TYMP: variants seen among roughly 807,000 people sequenced by gnomAD.
TYMP encodes thymidine phosphorylase.
A neutral mutation model predicts 42.3 loss-of-function variants in TYMP; 46 were observed. The ratio of observed to expected loss-of-function variants is 1.09; its 90% CI spans 0.86 to 1.39. The LOEUF is 1.39. TYMP is among the 40% of genes most tolerant of loss of function. TYMP has a pLI of 0.00. For missense variants in TYMP, 837 were observed against 677.6 expected (o/e 1.24, Z -2.61); for synonymous variants, 363 against 308.0 (o/e 1.18, Z -1.87).
Position 50,526,122 on chromosome 22 carries a change from C to T in TYMP, c.1179G>A (p.Arg393=), listed in dbSNP as rs2069356499. 1 of 1,489,282 alleles carries T rather than the reference C, an allele frequency of 6.7e-7. No individual in the cohort carries two copies. Among genetic ancestry groups the T allele is most frequent in the East Asian group, 2.8e-5 (1 of 35,628 alleles). 92.3% of individuals were successfully genotyped at this position (1,489,282 alleles called of 1,614,324 possible). A position where few individuals can be genotyped will look rare whatever the true frequency, so the allele number is the denominator to read the frequency against. The part of the protein sequence containing the change: ...APADGTVELV[R]ALPLALVLHE... ...GCAGCACCAGCGCCAGCGGCAGCGC[C>T]CGGACCAGCTCCACGGTGCCTGCGG... Residue 393 remains arginine, a synonymous_variant, in exon 9 of 10, where the codon CGG becomes CGA. Coordinates refer to ENST00000252029, the MANE Select transcript of TYMP (RefSeq NM_001953.5).
intron 2 of TYMP, 48 bp downstream of exon 2, chr22:50,529,448 G>T: frequency 6.2e-7 from 1 of 1,608,648 alleles, no homozygotes; most frequent in Non-Finnish European, 8.5e-7. Flanking sequence ...AAGTCTCTCG[G>T]GCTGACCTCC....
intron 3 of TYMP, chr22:50,528,861 G>T: frequency 3.3e-6 from 2 of 611,852 alleles, no homozygotes; most frequent in East Asian, 5.5e-5. Flanking sequence ...CTCCTCCCTT[G>T]GGGGAGCTGT....
rs749502498 is a variant in TYMP at position 50,526,325 on chromosome 22, C to T, written c.1080G>A (p.Leu360=). Residue 360 remains leucine (L), a synonymous_variant, in exon 8 of 10, where the codon CTG becomes CTA. Coordinates refer to ENST00000252029, the MANE Select transcript of TYMP (RefSeq NM_001953.5). ...GGCGTTCTGCGGGACTTCCCGAGCA[C>T]AGGGCTCGGGCCAGACCGGGATCCA... is the stretch of plus-strand genomic sequence containing the variant. The part of the protein sequence containing the change: ...QGVDPGLARA[L]CSGSPAERRQ... 3.2e-6 allele frequency: 5 copies of T among 1,562,178 alleles called. No homozygotes were observed. Among genetic ancestry groups the T allele is most frequent in the Non-Finnish European group, 3.4e-6 (4 of 1,164,486 alleles).
At chr22:50,526,777 G>A (rs2069404781) in intron 6 of TYMP, 39 bp from the exon 7 acceptor site, 1 of 1,527,374 alleles carries the variant, frequency 6.5e-7, no homozygotes, top group Non-Finnish European at 8.8e-7. Flanking sequence ...CCCATGGCGG[G>A]GCCTTCTGCA....
chr22:50,528,158 T>G (rs1417796044), intron 4 of TYMP: 1 of 393,146 alleles, frequency 2.5e-6, no homozygotes, highest in African/African-American at 2.1e-5. Context: ...ACCACATGCG[T>G]GCACCACCAC....
Position 50,525,762 on chromosome 22 carries a change from A to G in TYMP, c.*8T>C, listed in dbSNP as rs755313525. On this transcript the variant is annotated 3_prime_UTR_variant, in exon 10 of 10. Coordinates refer to ENST00000252029, the MANE Select transcript of TYMP (RefSeq NM_001953.5). ...CAAGCACTGACAAGGTTTCGCGGCAAAGGAGCTTTATTGCTGCGGCGGCAG... is the reference window on the plus strand; with the variant it reads ...CAAGCACTGACAAGGTTTCGCGGCAGAGGAGCTTTATTGCTGCGGCGGCAG... 6.2e-7 allele frequency: 1 copy of G among 1,610,324 alleles called. No individual in the cohort carries two copies. The highest frequency in any genetic ancestry group is 2.2e-5 in the East Asian group (1 of 44,778).
chr22:50,528,002 A>T (rs184299570), intron 4 of TYMP: 1 of 432,668 alleles, frequency 2.3e-6, no homozygotes, highest in Non-Finnish European at 4.2e-6. Context: ...CTGATCTCCA[A>T]CTGGGCTCCT....
chr22:50,529,685 T>C lies in TYMP; in HGVS notation c.25A>G (p.Thr9Ala). MAALMTPG[T>A]GAPPAPGDFS... ...TCACCAGGCGCGGGTGGGGCCCCGGTTCCCGGGGTCATCAAGGCTGCCATC... is the reference window on the plus strand; with the variant it reads ...TCACCAGGCGCGGGTGGGGCCCCGGCTCCCGGGGTCATCAAGGCTGCCATC... The change falls in exon 2 of 10, where the codon ACC becomes GCC. Residue 9 changes from threonine to alanine, a missense_variant. By Grantham distance (58) the Thr-to-Ala change is moderately conservative. Transcript: ENST00000252029. 6.2e-7 allele frequency: 1 copy of C among 1,611,214 alleles called. No individual in the cohort carries two copies.
intron 4 of TYMP, 195 bp from the exon 5 acceptor site, chr22:50,527,912 C>T (rs1026544435): frequency 3.1e-6 from 2 of 637,142 alleles, no homozygotes; most frequent in Non-Finnish European, 5.4e-6. Flanking sequence ...GTAGCTGGGA[C>T]TACAGGTGCG....
In TYMP at chr22:50,529,218, AGCTGCTG is replaced by A; in HGVS notation, c.328_334del (p.Gln110LeufsTer31). On this transcript the variant is annotated frameshift_variant, in exon 3 of 10. Coordinates refer to ENST00000252029, the MANE Select transcript of TYMP (RefSeq NM_001953.5). LOFTEE classifies it high-confidence loss of function. ...ACCCCCTGTGGAATGCTTGTCCACA[AGCTGCTG>A]GCGCCAGGCCTCTGGCCACTCCAGC... 6.2e-7 allele frequency: 1 copy of A among 1,613,284 alleles called. No homozygotes were observed. Among genetic ancestry groups the A allele is most frequent in the Non-Finnish European group, 8.5e-7 (1 of 1,180,012 alleles).
At chr22:50,528,761 T>C in intron 3 of TYMP, 151 bp from the exon 4 acceptor site, 1 of 701,712 alleles carries the variant, frequency 1.4e-6, no homozygotes. Flanking sequence ...GGAAAGGAAG[T>C]TTTCTTGGTT....
rs1064792885 is a variant in TYMP at position 50,525,787 on chromosome 22, G to GA, written c.1431dup (p.Leu478SerfsTer?). ...AAGGAGCTTTATTGCTGCGGCGGCA[G>GA]AACGAGCTCTGCGAAGGGCGAGGGG... On this transcript the variant is annotated frameshift_variant, in exon 10 of 10. Transcript: ENST00000252029. LOFTEE classifies it high-confidence loss of function. 5 of 1,610,942 alleles carry GA rather than the reference G, an allele frequency of 3.1e-6. No homozygotes were observed. The highest frequency in any genetic ancestry group is 4.2e-6 in the Non-Finnish European group (5 of 1,179,112).
rs149977726 is a variant in TYMP, at chr22:50,527,265, T to C, written c.665A>G (p.Lys222Arg). ...CAGAGCGGACAGCCCCTCCACGAGT[T>C]TCTTACTGAGAATGGAGGCTTTGGG... ...PLITASILSK[K>R]LVEGLSALVV... Residue 222 changes from lysine to arginine, a missense_variant, in exon 6 of 10, where the codon AAA (lysine) becomes AGA (arginine). Physicochemically the swap from Lys to Arg is conservative, Grantham distance 26. Transcript: ENST00000252029. 1.2e-5 allele frequency: 19 copies of C among 1,613,446 alleles called. No individual in the cohort carries two copies. The African/African-American group carries it at 2.5e-4, about 22-fold the overall frequency.
In TYMP at chr22:50,529,137, T is replaced by C. The variant is rs919837250; in HGVS notation, c.416A>G (p.Lys139Arg). Residue 139 changes from lysine to arginine, a missense_variant and splice_region_variant, in exon 3 of 10, where the codon AAG becomes AGG. Physicochemically the swap from Lys to Arg is conservative, Grantham distance 26. Coordinates refer to ENST00000252029, the MANE Select transcript of TYMP (RefSeq NM_001953.5). ...LAPALAACGC[K>R]VPMISGRGLG... ...TCTGGAAAGGAGGTGGTTTCTAACCTTGCAGCCACATGCCGCCAGGGCAGG... is the reference window on the plus strand; with the variant it reads ...TCTGGAAAGGAGGTGGTTTCTAACCCTGCAGCCACATGCCGCCAGGGCAGG... 4.3e-6 allele frequency: 7 copies of C among 1,613,080 alleles called. No individual in the cohort carries two copies. The highest frequency in any genetic ancestry group is 5.9e-6 in the Non-Finnish European group (7 of 1,179,976).
At chr22:50,529,793 G>A in intron 1 of TYMP, 74 bp from the exon 2 acceptor site, 2 of 1,319,634 alleles carry the variant, frequency 1.5e-6, no homozygotes, top group South Asian at 1.3e-5. Flanking sequence ...CTCCTGTCCC[G>A]ACCCCTTTCC....
intron 4 of TYMP, chr22:50,528,172 C>T: frequency 2.5e-6 from 1 of 404,012 alleles, no homozygotes; most frequent in East Asian, 5.8e-5. Context: ...CCACCACACG[C>T]AGCGAACTAT....
chr22:50,526,236 C>T lies in TYMP; in HGVS notation c.1159+10G>A, dbSNP rs1438872321. The T allele has an allele frequency of 2.0e-6, 3 of 1,530,502 alleles. No homozygotes were observed. Among genetic ancestry groups the T allele is most frequent in the Admixed American group, 3.8e-5 (2 of 51,966 alleles). The allele number at this position is 1,530,502 out of a possible 1,614,324, so 94.8% of individuals were successfully genotyped here. ...GGAGGCGGAAGGACGGGGACTCCCC[C>T]GACGCTCACCATCTGCGGGCGCCAG... On this transcript the variant is annotated intron_variant, in intron 8 of 9. Transcript: ENST00000252029.
Position 50,526,327 on chromosome 22 carries a change from G to C in TYMP, c.1078C>G (p.Leu360Val). ...CGTTCTGCGGGACTTCCCGAGCACA[G>C]GGCTCGGGCCAGACCGGGATCCACG... ...QGVDPGLARA[L>V]CSGSPAERRQ... is the part of the protein sequence containing the mutation. Residue 360 changes from leucine (L) to valine (V), a missense_variant, in exon 8 of 10, where the codon CTG (leucine) becomes GTG (valine). Transcript: ENST00000252029. 6.4e-7 allele frequency: 1 copy of C among 1,562,316 alleles called. No individual in the cohort carries two copies. The highest frequency in any genetic ancestry group is 8.6e-7 in the Non-Finnish European group (1 of 1,164,600).
Position 50,526,466 on chromosome 22 carries a change from C to T in TYMP, c.939G>A (p.Leu313=), listed in dbSNP as rs2069383809. 3 of 1,491,820 alleles carry T rather than the reference C, an allele frequency of 2.0e-6. No homozygotes were observed. The highest frequency in any genetic ancestry group is 2.7e-6 in the Non-Finnish European group (3 of 1,129,466). The allele number at this position is 1,491,820 out of a possible 1,614,324, so 92.4% of individuals were successfully genotyped here. A position where few individuals can be genotyped will look rare whatever the true frequency, so the allele number is the denominator to read the frequency against. The change falls in exon 8 of 10, where the codon CTG becomes CTA. Residue 313 remains leucine (L), a synonymous_variant. Transcript: ENST00000252029. ...TCCCCGCGTGTCCGCTGAGCCAGAG[C>T]AGGGCGCCCCCTGCGGGCGGGGACG... ...RDLVTTLGGA[L]LWLSGHAGTQ...
Sources: allele counts gnomAD v4.1 joint callset, GRCh38; gene constraint gnomAD v4.1.1; transcripts MANE v1.5; gene names NCBI Gene and HGNC (gene_info 2026-07-23, HGNC 2026-07-21).